Variants in CLEC12A observed in about 807,000 individuals in gnomAD.
CLEC12A encodes the protein C-type lectin protein CLL-1.
CLEC12A carries 22 observed loss-of-function variants against 26.5 expected under a neutral mutation model. The ratio of observed to expected loss-of-function variants is 0.83; its 90% CI spans 0.59 to 1.19. CLEC12A has a LOEUF of 1.19. Ranked by LOEUF, CLEC12A falls within the 50% of genes most tolerant of loss-of-function variation. The probability of loss-of-function intolerance (pLI) is 0.00; values close to 1 mark genes in which losing one functional copy is unlikely to be tolerated. For missense variants in CLEC12A, 353 were observed against 315.6 expected, an observed-to-expected ratio of 1.12 and a Z score of -0.90; for synonymous variants, 119 against 101.9, an observed-to-expected ratio of 1.17 and a Z score of -1.01.
At position 9,980,459 on chromosome 12, in the gene CLEC12A, GAGAA is replaced by G. The variant is rs1864512775; in HGVS notation, c.380-117_380-114del. ...TCAAAAAAAAAAAAAGGGGGAAAGAGAGAAAGAAAAAGAAAGAAGAATAAACAGC... is the reference window on the plus strand; with the variant it reads ...TCAAAAAAAAAAAAAGGGGGAAAGAGAGAAAAAGAAAGAAGAATAAACAGC... On this transcript the variant is annotated intron_variant, in intron 3 of 5. Coordinates refer to ENST00000304361, the MANE Select transcript of CLEC12A (RefSeq NM_138337.6). The G allele has an allele frequency of 3.8e-6, 4 of 1,040,448 alleles. No homozygotes were observed. In the South Asian group the frequency reaches 5.1e-5, roughly 13 times the overall value. The allele number at this position is 1,040,448 out of a possible 1,614,324, so 64.5% of individuals were successfully genotyped here.
chr12:9,970,566 A>T (rs761703076), upstream of CLEC12A, among the ~76,000 whole-genome samples: 5 of 152,162 alleles, frequency 3.3e-5, no homozygotes, highest in Non-Finnish European at 5.9e-5. Flanking sequence ...TGCATTCTTG[A>T]TCAAGAAGTG....
At chr12:9,997,431 G>A, downstream of CLEC12A, 1 of 681,934 alleles carries the variant, frequency 1.5e-6, no homozygotes, top group Non-Finnish European at 2.4e-6. Context: ...AAGTGTGGAG[G>A]GGCTATAAAG....
intron 1 of CLEC12A, among the ~76,000 whole-genome samples, 168 bp downstream of exon 1, chr12:9,971,855 A>G (rs1016710408): frequency 2.0e-5 from 3 of 152,306 alleles, no homozygotes; most frequent in African/African-American, 7.2e-5. Context: ...ATTAGAAAAA[A>G]GGGTTTTGTA....
downstream of CLEC12A, among the ~76,000 whole-genome samples, chr12:10,000,038 A>G (rs1471166961): frequency 6.6e-6 from 1 of 152,216 alleles, no homozygotes; most frequent in East Asian, 1.9e-4. Flanking sequence ...TGATGCATTT[A>G]TTATAGGAAT....
chr12:9,996,763 G>T, downstream of CLEC12A: 1 of 1,452,122 alleles, frequency 6.9e-7, no homozygotes, highest in Non-Finnish European at 9.6e-7. Context: ...TAAGAAAAAT[G>T]TAAAAAACAA....
chr12:9,994,273 A>C (rs1313376073), intron 4 of CLEC12A, among the ~76,000 whole-genome samples: 1 of 152,138 alleles, frequency 6.6e-6, no homozygotes, highest in East Asian at 1.9e-4. Flanking sequence ...AAAGAACACT[A>C]AGTTGCCTGC....
downstream of CLEC12A, among the ~76,000 whole-genome samples, chr12:9,987,234 T>A (rs138902816): frequency 0.019 from 2,905 of 152,288 alleles, 34 homozygotes; most frequent in Non-Finnish European, 0.029. Flanking sequence ...CTTATCAGTA[T>A]TTTCTCCTAA....
At chr12:9,979,962 G>T (rs1300511197) in intron 3 of CLEC12A, among the ~76,000 whole-genome samples, 1 of 152,142 alleles carries the variant, frequency 6.6e-6, no homozygotes, top group Admixed American at 6.6e-5. Flanking sequence ...GTCTTTTAGT[G>T]TCTCCATAAG....
At chr12:9,995,326 C>CTTTGGTTG in exon 5 of CLEC12A, 1 of 1,191,280 alleles carries the variant, frequency 8.4e-7, no homozygotes, top group East Asian at 2.4e-5. Context: ...CATGATAAGA[C>CTTTGGTTG]GTTGGACAAA....
chr12:9,952,221 T>C (rs1863628720), intron 1 of CLEC12A: 1 of 135,908 alleles, frequency 7.4e-6, no homozygotes, highest in Non-Finnish European at 1.5e-5. Flanking sequence ...CCCCACGGTC[T>C]CCCTCTCATG....
At chr12:9,960,017 A>T (rs1373820944) in intron 1 of CLEC12A, among the ~76,000 whole-genome samples, 4 of 152,182 alleles carry the variant, frequency 2.6e-5, no homozygotes, top group Non-Finnish European at 5.9e-5. Flanking sequence ...AGGGAATCGA[A>T]TCATACTGAA....
intron 5 of CLEC12A, chr12:9,983,455 G>GA (rs557433851): frequency 7.3e-6 from 5 of 684,516 alleles, no homozygotes; most frequent in African/African-American, 7.2e-5. Flanking sequence ...CTTATAATGG[G>GA]AAAAAAAGTC....
At chr12:9,987,736 ATGTTTTTGTT>A (rs2137218249), downstream of CLEC12A, among the ~76,000 whole-genome samples, 1 of 152,014 alleles carries the variant, frequency 6.6e-6, no homozygotes, top group South Asian at 2.1e-4. Flanking sequence ...GTTAACCTGT[ATGTTTTTGTT>A]TGTTTTTTTG....
chr12:10,005,796 G>A, the CLEC12A span, among the ~76,000 whole-genome samples: 1 of 151,974 alleles, frequency 6.6e-6, no homozygotes, highest in Non-Finnish European at 1.5e-5. Flanking sequence ...TTTTCCTTCT[G>A]CTTTTAGTTT....
chr12:9,966,708 G>A (rs1283323151), upstream of CLEC12A, among the ~76,000 whole-genome samples: 1 of 151,426 alleles, frequency 6.6e-6, no homozygotes, highest in East Asian at 1.9e-4. Context: ...CACTTTGAAG[G>A]CGAGGTTAAT....
In CLEC12A at chr12:9,978,948, T is replaced by TAAAC; in HGVS notation, c.92-16_92-15insACAA. On this transcript the variant is annotated splice_polypyrimidine_tract_variant and intron_variant, in intron 1 of 5. Coordinates refer to ENST00000304361, the MANE Select transcript of CLEC12A (RefSeq NM_138337.6). ...TTATACCATTTTTAGGCCTCTCTGT[T>TAAAC]AATTTTGCTTTCCACAGCACCTCCA... The TAAAC allele has an allele frequency of 6.3e-7, 1 of 1,591,192 alleles. No homozygotes were observed. Among genetic ancestry groups the TAAAC allele is most frequent in the Non-Finnish European group, 8.6e-7 (1 of 1,159,506 alleles).
downstream of CLEC12A, among the ~76,000 whole-genome samples, chr12:10,000,367 T>C (rs1321941862): frequency 6.6e-6 from 1 of 152,232 alleles, no homozygotes; most frequent in Non-Finnish European, 1.5e-5. Flanking sequence ...TCTAAATTTC[T>C]TTCTCTATAC....
chr12:10,002,370 G>A, the CLEC12A span, among the ~76,000 whole-genome samples: 1 of 133,222 alleles, frequency 7.5e-6, no homozygotes, highest in Admixed American at 7.6e-5. Flanking sequence ...CATGAGGTTA[G>A]TCTTTATGAA....
chr12:9,965,172 G>T (rs532424497), intron 1 of CLEC12A, among the ~76,000 whole-genome samples: 6 of 152,126 alleles, frequency 3.9e-5, no homozygotes, highest in Non-Finnish European at 8.8e-5. Flanking sequence ...AGACATGAGG[G>T]CTAGGCTAAA....
Sources: gnomAD v4.1 joint callset for allele counts (sites outside exome capture counted in the v4.1 genomes callset) on GRCh38, gnomAD v4.1.1 for gene constraint, MANE v1.5 for transcripts, NCBI Gene and HGNC (gene_info 2026-07-23, HGNC 2026-07-21) for gene names.